Variants in ADAM18 observed in about 807,000 individuals in gnomAD.
ADAM18 encodes disintegrin and metalloproteinase domain-containing protein 18.
Under a neutral mutation model 94.4 loss-of-function variants are expected in ADAM18, and 117 were observed. The ratio of observed to expected loss-of-function variants is 1.24; its 90% CI spans 1.07 to 1.45. ADAM18 has a LOEUF of 1.45. Among genes scored for constraint, ADAM18 ranks in the 40% most tolerant of loss-of-function variants. The pLI is 0.00. For synonymous variants in ADAM18, 327 were observed against 291.6 expected, an observed-to-expected ratio of 1.12 and a Z score of -1.24; for missense variants, 936 against 880.0, an observed-to-expected ratio of 1.06 and a Z score of -0.81.
At chr8:39,647,054 TA>T (rs1820401472) in intron 11 of ADAM18, among the ~76,000 whole-genome samples, 1 of 151,456 alleles carries the variant, frequency 6.6e-6, no homozygotes, top group South Asian at 2.1e-4. Flanking sequence ...AGAAAAGAAA[TA>T]AGACACAGAG....
chr8:39,606,521 A>G (rs1819090987), intron 3 of ADAM18, among the ~76,000 whole-genome samples, 159 bp downstream of exon 3: 1 of 152,186 alleles, frequency 6.6e-6, no homozygotes, highest in South Asian at 2.1e-4. Context: ...TAGGTTTTGA[A>G]TATCAGATCT....
chr8:39,717,163 C>T (rs1188774046), intron 18 of ADAM18, among the ~76,000 whole-genome samples: 2 of 151,690 alleles, frequency 1.3e-5, no homozygotes, highest in Non-Finnish European at 2.9e-5. Context: ...TATAAAGTAA[C>T]TTATAAAGTC....
chr8:39,637,453 T>G lies in ADAM18; in HGVS notation c.661-84T>G, dbSNP rs1412782174. The G allele has an allele frequency of 4.3e-6, 6 of 1,407,206 alleles. No individual in the cohort carries two copies. The African/African-American group carries it at 8.8e-5, about 21-fold the overall frequency. The allele number at this position is 1,407,206 out of a possible 1,614,324, so 87.2% of individuals were successfully genotyped here. On this transcript the variant is annotated intron_variant, in intron 8 of 19. Transcript: ENST00000265707. Reference sequence around the variant, plus strand: ...TTTATTAGTTTAATACTGAAAATACTGGAACATGTTGTTTATTTTTTAATG... The same window carrying G: ...TTTATTAGTTTAATACTGAAAATACGGGAACATGTTGTTTATTTTTTAATG...
intron 16 of ADAM18, chr8:39,685,478 G>A (rs1177572557): frequency 6.6e-6 from 1 of 152,214 alleles, no homozygotes; most frequent in Non-Finnish European, 1.5e-5. Context: ...CCTCAGGCCT[G>A]GTAACTCTGA....
At chr8:39,589,825 C>T (rs1481269372) in intron 2 of ADAM18, among the ~76,000 whole-genome samples, 1 of 151,992 alleles carries the variant, frequency 6.6e-6, no homozygotes, top group Non-Finnish European at 1.5e-5. Context: ...CCAAAATACA[C>T]ATGAAAAAAT....
chr8:39,594,804 T>G (rs1293679597), intron 2 of ADAM18, among the ~76,000 whole-genome samples: 1 of 149,188 alleles, frequency 6.7e-6, no homozygotes, highest in Non-Finnish European at 1.5e-5. Context: ...TTTTTTTTTT[T>G]TTTTTTTTTT....
intron 19 of ADAM18, among the ~76,000 whole-genome samples, chr8:39,729,143 T>C (rs772892877): frequency 1.3e-5 from 2 of 152,142 alleles, no homozygotes; most frequent in Non-Finnish European, 2.9e-5. Context: ...TATTTTCTTG[T>C]GTTTGTGGGC....
intron 18 of ADAM18, among the ~76,000 whole-genome samples, chr8:39,722,209 GTGTGTGTGTATA>G (rs1822772721): frequency 1.4e-5 from 1 of 73,158 alleles, no homozygotes; most frequent in African/African-American, 8.8e-5. Context: ...GTGTGTGTGT[GTGTGTGTGTATA>G]TATATATATA....
chr8:39,695,165 G>A (rs1437694891), intron 17 of ADAM18, among the ~76,000 whole-genome samples: 4 of 151,278 alleles, frequency 2.6e-5, no homozygotes, highest in Non-Finnish European at 5.9e-5. Flanking sequence ...TTTCCATTTT[G>A]GGCAATTGTG....
rs113111969 is a variant in ADAM18, at chr8:39,611,043, A to G, written c.522+337A>G. On this transcript the variant is annotated intron_variant, in intron 6 of 19. Coordinates refer to ENST00000265707, the MANE Select transcript of ADAM18 (RefSeq NM_014237.3). ...TTTAATATTTTGTTATATATCTTAC[A>G]TACTACCTGAACATATCTTTCTAAA... The G allele has an allele frequency of 3.7e-4, 394 of 1,052,510 alleles. 2 individuals carry two copies. The African/African-American group carries it at 6.0e-3, about 16-fold the overall frequency. The allele number at this position is 1,052,510 out of a possible 1,614,324, so 65.2% of individuals were successfully genotyped here. A position where few individuals can be genotyped will look rare whatever the true frequency, so the allele number is the denominator to read the frequency against.
At position 39,686,450 on chromosome 8, in the gene ADAM18, C is replaced by A. The variant is rs113271085; in HGVS notation, c.1822-6150C>A. Among the ~76,000 whole-genome samples the A allele has an allele frequency of 2.6e-5, 4 of 152,282 alleles. 1 individual carries two copies. The highest frequency in any genetic ancestry group is 9.6e-5 in the African/African-American group (4 of 41,546). On this transcript the variant is annotated intron_variant, in intron 16 of 19. Transcript: ENST00000265707. ...CATGACAGAAAGGGTGAACAAGCTC[C>A]ATTGAACCTCTTTTATTAAGGCGCT... is the stretch of plus-strand genomic sequence containing the variant.
intron 17 of ADAM18, among the ~76,000 whole-genome samples, chr8:39,701,034 C>T (rs13269836): frequency 0.087 from 11,661 of 134,334 alleles, 549 homozygotes; most frequent in South Asian, 0.15. Context: ...AGGAGAATGG[C>T]GTGAACCCGG....
chr8:39,637,278 A>C lies in ADAM18; in HGVS notation c.603A>C (p.Gly201=). The C allele has an allele frequency of 1.2e-6, 2 of 1,605,374 alleles. No individual in the cohort carries two copies. The highest frequency in any genetic ancestry group is 4.5e-5 in the East Asian group (2 of 44,668). Residue 201 remains glycine, a synonymous_variant, in exon 8 of 20, where the codon GGA becomes GGC. Coordinates refer to ENST00000265707, the MANE Select transcript of ADAM18 (RefSeq NM_014237.3). ...IVEKALYDYM[G]SEMMAVTQKI... ...TTCTTTTTCAGTATGATTATATGGG[A>C]TCTGAAATGATGGCTGTAACACAAA...
intron 2 of ADAM18, among the ~76,000 whole-genome samples, chr8:39,589,680 T>A: frequency 6.6e-6 from 1 of 151,874 alleles, no homozygotes; most frequent in East Asian, 1.9e-4. Flanking sequence ...TTAATATTTT[T>A]ATTAGAAATA....
intron 11 of ADAM18, among the ~76,000 whole-genome samples, chr8:39,646,351 TTA>T (rs777240494): frequency 2.0e-5 from 3 of 152,072 alleles, no homozygotes; most frequent in African/African-American, 4.8e-5. Context: ...AAACATAATT[TTA>T]TGTTTTAATT....
intron 10 of ADAM18, among the ~76,000 whole-genome samples, chr8:39,640,747 T>C (rs1820214858): frequency 6.6e-6 from 1 of 152,206 alleles, no homozygotes; most frequent in Non-Finnish European, 1.5e-5. Context: ...GCTATCTCAT[T>C]GTGGTTTCGA....
chr8:39,688,979 T>C (rs1314694757), intron 16 of ADAM18, among the ~76,000 whole-genome samples: 1 of 152,228 alleles, frequency 6.6e-6, no homozygotes, highest in East Asian at 1.9e-4. Flanking sequence ...TTGAGCTTTT[T>C]TTCCATGTTT....
At chr8:39,630,026 T>G (rs1819889624) in intron 7 of ADAM18, among the ~76,000 whole-genome samples, 1 of 151,972 alleles carries the variant, frequency 6.6e-6, no homozygotes, top group African/African-American at 2.4e-5. Context: ...ATAAAGCATA[T>G]TCACTTGATA....
chr8:39,662,364 C>G (rs1291259655), intron 12 of ADAM18, among the ~76,000 whole-genome samples: 2 of 152,046 alleles, frequency 1.3e-5, no homozygotes, highest in Admixed American at 1.3e-4. Context: ...AACTTCTGCT[C>G]TATATTTTAT....
Sources: gnomAD v4.1 joint callset for allele counts (sites outside exome capture counted in the v4.1 genomes callset) on GRCh38, gnomAD v4.1.1 for gene constraint, MANE v1.5 for transcripts, NCBI Gene and HGNC (gene_info 2026-07-23, HGNC 2026-07-21) for gene names.